ZBTB1: variants seen among roughly 807,000 people sequenced by gnomAD.
The protein encoded by ZBTB1 is zinc finger and BTB domain containing 1.
A neutral mutation model predicts 51.6 loss-of-function variants in ZBTB1; 13 were observed. The observed-to-expected ratio is 0.25, with a 90% CI of 0.16 to 0.40. ZBTB1 has a LOEUF of 0.40. Among genes scored for constraint, ZBTB1 ranks in the 10% least tolerant of loss-of-function variants. The pLI is 1.00. For missense variants in ZBTB1, 567 were observed against 856.5 expected (o/e 0.66, Z 4.22); for synonymous variants, 240 against 282.2 (o/e 0.85, Z 1.50).
At chr14:64,531,518 T>C (rs2079941915) in intron 2 of ZBTB1, among the ~76,000 whole-genome samples, 1 of 152,186 alleles carries the variant, frequency 6.6e-6, no homozygotes, top group South Asian at 2.1e-4. Flanking sequence ...TAAAGTACAT[T>C]GTAAAATCAT....
At chr14:64,508,339 G>GA (rs779808027) in intron 1 of ZBTB1, among the ~76,000 whole-genome samples, 29 of 152,138 alleles carry the variant, frequency 1.9e-4, no homozygotes, top group Admixed American at 3.3e-4. Context: ...CTTTGAATCT[G>GA]AAGTATTAGA....
chr14:64,529,812 A>G (rs2079929960), downstream of ZBTB1, among the ~76,000 whole-genome samples: 1 of 152,050 alleles, frequency 6.6e-6, no homozygotes, highest in African/African-American at 2.4e-5. Context: ...TTTGACTAAT[A>G]AACAGAAGAA....
exon 3 of ZBTB1, chr14:64,532,785 T>G (rs1462983807): frequency 6.6e-6 from 1 of 151,902 alleles, no homozygotes; most frequent in Non-Finnish European, 1.5e-5. Flanking sequence ...TTAACATGTT[T>G]TAAAAAATCT....
intron 1 of ZBTB1, among the ~76,000 whole-genome samples, chr14:64,509,491 C>T (rs1231857820): frequency 1.3e-5 from 2 of 152,054 alleles, no homozygotes; most frequent in Admixed American, 6.5e-5. Context: ...TATTTGGGAT[C>T]GGGGGAATCT....
At chr14:64,519,728 T>C (rs1740392485) in intron 1 of ZBTB1, among the ~76,000 whole-genome samples, 1 of 150,562 alleles carries the variant, frequency 6.6e-6, no homozygotes, top group South Asian at 2.1e-4. Context: ...CAGTTAGCTA[T>C]GATCATGCCA....
intron 1 of ZBTB1, among the ~76,000 whole-genome samples, chr14:64,520,139 A>T (rs1433806910): frequency 6.6e-6 from 1 of 151,828 alleles, no homozygotes; most frequent in Non-Finnish European, 1.5e-5. Flanking sequence ...GTAGCTGGGA[A>T]TACAGGCGCC....
chr14:64,524,059 T>TTG lies in ZBTB1; in HGVS notation c.*413_*414insTG, dbSNP rs1374631209. The TTG allele has an allele frequency of 1.0e-6, 1 of 984,728 alleles. No individual in the cohort carries two copies. The highest frequency in any genetic ancestry group is 1.1e-4 in the East Asian group (1 of 8,814). 61.0% of individuals were successfully genotyped at this position (984,728 alleles called of 1,614,324 possible). A position where few individuals can be genotyped will look rare whatever the true frequency, so the allele number is the denominator to read the frequency against. On this transcript the variant is annotated 3_prime_UTR_variant, in exon 2 of 2. Coordinates refer to ENST00000683701, the MANE Select transcript of ZBTB1 (RefSeq NM_001123329.2). ...CCATTTCTGTTTAAATTTTAAAAATTCCTTAAGTAATTATTTGAAACTATC... is the reference window on the plus strand; with the variant it reads ...CCATTTCTGTTTAAATTTTAAAAATTTGCCTTAAGTAATTATTTGAAACTATC...
chr14:64,533,575 T>C (rs954528550), exon 3 of ZBTB1: 3 of 152,528 alleles, frequency 2.0e-5, no homozygotes, highest in African/African-American at 4.8e-5. Context: ...AATGTGATTA[T>C]TTTCTGTATT....
At chr14:64,514,736 A>G (rs2079762723) in intron 1 of ZBTB1, among the ~76,000 whole-genome samples, 1 of 152,194 alleles carries the variant, frequency 6.6e-6, no homozygotes, top group Non-Finnish European at 1.5e-5. Flanking sequence ...ATAGCATCCA[A>G]CCAACAAACC....
At chr14:64,517,781 A>ATTTATATTTTTTTT (rs2079808342) in intron 1 of ZBTB1, among the ~76,000 whole-genome samples, 1 of 41,550 alleles carries the variant, frequency 2.4e-5, no homozygotes, top group Non-Finnish European at 4.6e-5. Context: ...ATATATATAT[A>ATTTATATTTTTTTT]TTTTTTTTTT....
chr14:64,509,843 G>C lies in ZBTB1; in HGVS notation c.-19+4897G>C, dbSNP rs574118481. Among the ~76,000 whole-genome samples the C allele has an allele frequency of 3.3e-5, 5 of 152,156 alleles. No individual in the cohort carries two copies. The East Asian group carries it at 7.7e-4, about 24-fold the overall frequency. On this transcript the variant is annotated intron_variant, in intron 1 of 1. Transcript: ENST00000683701. ...AAAAAAAAAATTGGCCGGGCGTGGTGGTGGGCGCCTGTAGTCCCAGCTACT... is the reference window on the plus strand; with the variant it reads ...AAAAAAAAAATTGGCCGGGCGTGGTCGTGGGCGCCTGTAGTCCCAGCTACT...
downstream of ZBTB1, among the ~76,000 whole-genome samples, chr14:64,526,053 C>T (rs1357482345): frequency 6.6e-6 from 1 of 152,020 alleles, no homozygotes; most frequent in Admixed American, 6.5e-5. Flanking sequence ...CTCCTGACCT[C>T]GTGATCCACC....
In ZBTB1 at chr14:64,522,722, G is replaced by A. The variant is rs757791101; in HGVS notation, c.1218G>A (p.Arg406=). 3 of 1,614,132 alleles carry A rather than the reference G, an allele frequency of 1.9e-6. No homozygotes were observed. Among genetic ancestry groups the A allele is most frequent in the South Asian group, 2.2e-5 (2 of 91,074 alleles). ...AAAGAGGTGGTTTAGAGAATATGAG[G>A]CCCCCTAACAACAGCAGTCCAGTAC... ...ADERGGLENM[R]PPNNSSPVQE... The change falls in exon 2 of 2, where the codon AGG becomes AGA. Residue 406 remains arginine, a synonymous_variant. Transcript: ENST00000683701.
At chr14:64,517,777 A>ATTT (rs1566632884) in intron 1 of ZBTB1, among the ~76,000 whole-genome samples, 8 of 43,030 alleles carry the variant, frequency 1.9e-4, no homozygotes, top group South Asian at 7.2e-4. Flanking sequence ...ATATATATAT[A>ATTT]TATATTTTTT....
chr14:64,512,632 A>G (rs1265534167), intron 1 of ZBTB1, among the ~76,000 whole-genome samples: 2 of 152,248 alleles, frequency 1.3e-5, no homozygotes, highest in Non-Finnish European at 2.9e-5. Context: ...ACCCAGTTAT[A>G]ATTGCAGAAC....
chr14:64,507,008 T>C (rs2079669789), intron 1 of ZBTB1, among the ~76,000 whole-genome samples: 2 of 152,248 alleles, frequency 1.3e-5, no homozygotes, highest in African/African-American at 4.8e-5. Context: ...GTATCTCGTT[T>C]TCTTTGTAGC....
downstream of ZBTB1, among the ~76,000 whole-genome samples, chr14:64,528,288 T>C (rs2079918255): frequency 6.6e-6 from 1 of 151,646 alleles, no homozygotes; most frequent in Admixed American, 6.6e-5. Context: ...AAATCTGGTA[T>C]ACCTAATTTT....
chr14:64,520,971 C>A (rs773083257), intron 1 of ZBTB1, among the ~76,000 whole-genome samples: 13 of 152,004 alleles, frequency 8.6e-5, no homozygotes, highest in Non-Finnish European at 1.0e-4. Flanking sequence ...AAGTGATCCA[C>A]CCACTTTAGC....
At chr14:64,507,437 T>C (rs2079677327) in intron 1 of ZBTB1, among the ~76,000 whole-genome samples, 1 of 152,218 alleles carries the variant, frequency 6.6e-6, no homozygotes, top group Admixed American at 6.5e-5. Context: ...GTACATAAAA[T>C]ACAAAAATGA....
Sources: gnomAD v4.1 joint callset for allele counts (sites outside exome capture counted in the v4.1 genomes callset) on GRCh38, gnomAD v4.1.1 for gene constraint, MANE v1.5 for transcripts, NCBI Gene and HGNC (gene_info 2026-07-23, HGNC 2026-07-21) for gene names.